Variants in CSMD1 observed in about 807,000 individuals in gnomAD.
The protein encoded by CSMD1 is CUB and Sushi multiple domains 1.
In CSMD1, 213 loss-of-function variants were observed where a neutral mutation model predicts 417.5. The observed-to-expected ratio is 0.51, with a 90% CI of 0.46 to 0.57. CSMD1 has a LOEUF of 0.57. Ranked by LOEUF, CSMD1 falls within the 20% of genes least tolerant of loss-of-function variation. The pLI is 0.00. For synonymous variants in CSMD1, 2,862 were observed against 1,736.8 expected, an observed-to-expected ratio of 1.65 and a Z score of -16.11; for missense variants, 6,923 against 4,529.7, an observed-to-expected ratio of 1.53 and a Z score of -15.17.
intron 1 of CSMD1, among the ~76,000 whole-genome samples, chr8:4,897,517 A>T (rs1226315662): frequency 1.3e-5 from 2 of 152,064 alleles, no homozygotes; most frequent in Admixed American, 1.3e-4. Context: ...CTCATATCCT[A>T]TTCGGTGACA....
chr8:4,450,990 G>T (rs958841387), intron 2 of CSMD1, among the ~76,000 whole-genome samples: 2 of 150,288 alleles, frequency 1.3e-5, no homozygotes, highest in South Asian at 2.1e-4. Flanking sequence ...GTACTGAATT[G>T]ACAGCTAAGC....
intron 10 of CSMD1, among the ~76,000 whole-genome samples, chr8:3,529,518 G>A (rs55713560): frequency 2.0e-5 from 3 of 152,184 alleles, no homozygotes; most frequent in Non-Finnish European, 4.4e-5. Context: ...ATATAGAGGA[G>A]AAATTTTAAT....
intron 7 of CSMD1, among the ~76,000 whole-genome samples, chr8:3,694,230 C>G (rs576339566): frequency 5.4e-4 from 82 of 152,140 alleles, no homozygotes; most frequent in African/African-American, 1.8e-3. Context: ...CCAGGGAGGC[C>G]ATAGCTCTGT....
intron 1 of CSMD1, chr8:4,788,661 T>C (rs1368789293): frequency 9.5e-6 from 6 of 632,092 alleles, no homozygotes; most frequent in Admixed American, 3.0e-5. Context: ...TCAAGCAATA[T>C]GAAAAGGTAA....
intron 28 of CSMD1, among the ~76,000 whole-genome samples, chr8:3,222,271 C>G (rs1371168311): frequency 6.6e-6 from 1 of 151,980 alleles, no homozygotes; most frequent in Non-Finnish European, 1.5e-5. Context: ...ATGAGTTGCA[C>G]TTTATGGGAG....
At chr8:3,196,255 A>G (rs1796697356) in intron 33 of CSMD1, among the ~76,000 whole-genome samples, 1 of 152,186 alleles carries the variant, frequency 6.6e-6, no homozygotes, top group African/African-American at 2.4e-5. Context: ...TCTAAAAAGG[A>G]GAGAAATCCT....
At chr8:3,284,741 GTGT>G (rs1803018775) in intron 25 of CSMD1, 1 of 187,816 alleles carries the variant, frequency 5.3e-6, no homozygotes, top group Admixed American at 5.4e-5. Context: ...GGTGCAGTCA[GTGT>G]TGTTCACGAA....
intron 3 of CSMD1, among the ~76,000 whole-genome samples, chr8:4,372,429 G>C (rs28611380): frequency 0.1 from 15,653 of 151,824 alleles, 958 homozygotes; most frequent in African/African-American, 0.17. Context: ...ATATATTTTT[G>C]TATACCATGA....
intron 1 of CSMD1, among the ~76,000 whole-genome samples, chr8:4,661,628 G>A (rs913129821): frequency 4.6e-5 from 7 of 152,186 alleles, no homozygotes; most frequent in East Asian, 1.9e-4. Context: ...AGATGTTACC[G>A]TAAGGGGAAA....
intron 8 of CSMD1, among the ~76,000 whole-genome samples, chr8:3,602,533 C>G (rs959684780): frequency 6.6e-6 from 1 of 152,152 alleles, no homozygotes; most frequent in African/African-American, 2.4e-5. Context: ...GATGATCTCA[C>G]AGGCTTCTTT....
intron 3 of CSMD1, among the ~76,000 whole-genome samples, chr8:4,089,330 G>A (rs1243951498): frequency 6.6e-6 from 1 of 152,186 alleles, no homozygotes; most frequent in South Asian, 2.1e-4. Flanking sequence ...AAAGAAGAGA[G>A]CTCGGTATGG....
intron 1 of CSMD1, among the ~76,000 whole-genome samples, chr8:4,912,193 G>C (rs530859987): frequency 6.3e-4 from 87 of 138,880 alleles, no homozygotes; most frequent in African/African-American, 2.2e-3. Context: ...CATAAAATTA[G>C]AAAAGTCCTC....
chr8:4,227,105 G>A lies in CSMD1; in HGVS notation c.415+192848C>T, dbSNP rs923137316. On this transcript the variant is annotated intron_variant, in intron 3 of 69. Coordinates refer to ENST00000635120, the MANE Select transcript of CSMD1 (RefSeq NM_033225.6). ...TGACGCATGCCTGAGGTCTTTTCTG[G>A]GAAGGAAATCGCCCCCAAGAGAAGG... is the stretch of plus-strand genomic sequence containing the variant. Among the ~76,000 whole-genome samples, 7 of 152,130 alleles carry A rather than the reference G, an allele frequency of 4.6e-5. No individual in the cohort carries two copies. The East Asian group carries it at 9.6e-4, about 21-fold the overall frequency.
At chr8:3,080,265 T>C (rs535928657) in intron 49 of CSMD1, among the ~76,000 whole-genome samples, 6 of 152,208 alleles carry the variant, frequency 3.9e-5, no homozygotes, top group Non-Finnish European at 7.3e-5. Context: ...TCAGTTCTAA[T>C]TCAGGCTTCT....
Position 4,697,119 on chromosome 8 carries a change from C to T in CSMD1, c.86-59561G>A, listed in dbSNP as rs530057600. 2.6e-5 allele frequency among the ~76,000 whole-genome samples: 4 copies of T among 152,130 alleles called. No homozygotes were observed. In the East Asian group the frequency reaches 7.7e-4, roughly 29 times the overall value. ...CCCAGGAGGGGGAGGTTGCAGTGAGCCGAGATCGCGCCACTGCACTACAGC... is the reference window on the plus strand; with the variant it reads ...CCCAGGAGGGGGAGGTTGCAGTGAGTCGAGATCGCGCCACTGCACTACAGC... On this transcript the variant is annotated intron_variant, in intron 1 of 69. Transcript: ENST00000635120.
chr8:3,558,553 T>C (rs912194696), intron 10 of CSMD1, among the ~76,000 whole-genome samples: 266 of 146,444 alleles, frequency 1.8e-3, no homozygotes, highest in African/African-American at 6.5e-3. Context: ...GTCTCAATGG[T>C]ACCCCGTGTC....
chr8:4,623,191 G>C (rs1458880412), intron 2 of CSMD1, among the ~76,000 whole-genome samples: 1 of 152,072 alleles, frequency 6.6e-6, no homozygotes, highest in Non-Finnish European at 1.5e-5. Flanking sequence ...TATTTTAACA[G>C]ATACTTCACC....
chr8:3,061,668 G>T (rs1000927620), intron 49 of CSMD1, among the ~76,000 whole-genome samples: 4 of 152,122 alleles, frequency 2.6e-5, no homozygotes, highest in South Asian at 2.1e-4. Flanking sequence ...CATATACACA[G>T]GTGGTAGAAA....
At chr8:3,859,508 C>T (rs935401895) in intron 5 of CSMD1, among the ~76,000 whole-genome samples, 3 of 152,178 alleles carry the variant, frequency 2.0e-5, no homozygotes, top group South Asian at 2.1e-4. Context: ...TCTTCGTTTA[C>T]AGCAGGAGCT....
Sources: gnomAD v4.1 joint callset for allele counts (sites outside exome capture counted in the v4.1 genomes callset) on GRCh38, gnomAD v4.1.1 for gene constraint, MANE v1.5 for transcripts, NCBI Gene and HGNC (gene_info 2026-07-23, HGNC 2026-07-21) for gene names.